PC: variants seen among roughly 807,000 people sequenced by gnomAD.
The protein encoded by PC is pyruvate carboxylase, mitochondrial.
In PC, 46 loss-of-function variants were observed where a neutral mutation model predicts 107.8. That is an observed-to-expected ratio of 0.43 (90% CI 0.34 to 0.55). PC has a LOEUF of 0.55. Among genes scored for constraint, PC ranks in the 20% least tolerant of loss-of-function variants. The pLI, the probability that PC is intolerant of heterozygous loss-of-function variation, is 0.04. For missense variants in PC, 1,241 were observed against 1,643.1 expected (o/e 0.76, Z 4.23); for synonymous variants, 662 against 684.7 (o/e 0.97, Z 0.52).
chr11:66,918,406 T>TA (rs1250238516), intron 3 of PC, among the ~76,000 whole-genome samples: 3 of 151,160 alleles, frequency 2.0e-5, no homozygotes, highest in Non-Finnish European at 3.0e-5. Context: ...TTTTTTTTTT[T>TA]AAAACAGAGT....
chr11:66,949,354 C>T (rs1312943794), intron 3 of PC, among the ~76,000 whole-genome samples: 1 of 151,890 alleles, frequency 6.6e-6, no homozygotes, highest in Admixed American at 6.6e-5. Flanking sequence ...TCAATTGAAA[C>T]ATTTCAGAAG....
chr11:66,951,532 G>A (rs572920715), intron 3 of PC, among the ~76,000 whole-genome samples: 2 of 152,276 alleles, frequency 1.3e-5, no homozygotes, highest in East Asian at 3.9e-4. Context: ...GAAGAGGGCG[G>A]ATCACCTGAG....
chr11:66,852,940 G>A lies in PC; in HGVS notation c.1514-104C>T. 2.2e-6 allele frequency: 2 copies of A among 909,904 alleles called. No homozygotes were observed. The highest frequency in any genetic ancestry group is 3.3e-6 in the Non-Finnish European group (2 of 606,714). 56.4% of individuals were successfully genotyped at this position (909,904 alleles called of 1,614,324 possible). ...CAGGGACAGGGACACATCCCTCCAGGATCCCCGGGCTTCCAGCTGGCCCCT... is the reference window on the plus strand; with the variant it reads ...CAGGGACAGGGACACATCCCTCCAGAATCCCCGGGCTTCCAGCTGGCCCCT... On this transcript the variant is annotated intron_variant, in intron 13 of 22. Transcript: ENST00000393960. The surrounding 1 kb of genome is among the most constrained non-coding windows in gnomAD (Gnocchi z 4.7).
chr11:66,853,543 CCTCA>C (rs1226102772), intron 12 of PC, among the ~76,000 whole-genome samples, 160 bp from the exon 13 acceptor site: 2 of 152,182 alleles, frequency 1.3e-5, no homozygotes, highest in Non-Finnish European at 2.9e-5. Flanking sequence ...TCAGCCCTCT[CCTCA>C]CTCCAGCAGA....
chr11:66,863,304 C>T (rs1946353936), intron 12 of PC, among the ~76,000 whole-genome samples: 2 of 152,178 alleles, frequency 1.3e-5, no homozygotes, highest in Non-Finnish European at 2.9e-5. Context: ...CGCGCCACTG[C>T]ACTCCAGCCT....
chr11:66,917,397 G>C (rs1948487443), intron 3 of PC, among the ~76,000 whole-genome samples: 1 of 152,098 alleles, frequency 6.6e-6, no homozygotes, highest in Non-Finnish European at 1.5e-5. Context: ...GTATATTAAA[G>C]CACTCTACTT....
intron 3 of PC, among the ~76,000 whole-genome samples, chr11:66,941,694 G>T (rs955287881): frequency 6.6e-6 from 1 of 152,042 alleles, no homozygotes; most frequent in Admixed American, 6.6e-5. Context: ...GGGTTTCACC[G>T]TGTTAGCCAG....
intron 12 of PC, chr11:66,859,210 C>G: frequency 7.7e-7 from 1 of 1,295,310 alleles, no homozygotes; most frequent in Non-Finnish European, 1.0e-6. Flanking sequence ...CCCTCCCCGA[C>G]CATGGCTGCT....
chr11:66,949,359 C>A (rs1170827054), intron 3 of PC, among the ~76,000 whole-genome samples: 1 of 151,984 alleles, frequency 6.6e-6, no homozygotes, highest in East Asian at 1.9e-4. Flanking sequence ...TGAAACATTT[C>A]AGAAGTTTCA....
intron 3 of PC, among the ~76,000 whole-genome samples, chr11:66,948,489 C>T (rs1555050729): frequency 6.6e-6 from 1 of 152,196 alleles, no homozygotes; most frequent in Non-Finnish European, 1.5e-5. Flanking sequence ...TATGTTAAAA[C>T]TTACTAAACT....
chr11:66,893,656 C>T (rs998987032), intron 3 of PC, among the ~76,000 whole-genome samples: 5 of 152,046 alleles, frequency 3.3e-5, no homozygotes, highest in Non-Finnish European at 5.9e-5. Context: ...ATTTCTTTAC[C>T]CCTGCTCTCA....
chr11:66,895,223 C>G (rs1360989326), intron 3 of PC, among the ~76,000 whole-genome samples: 1 of 152,122 alleles, frequency 6.6e-6, no homozygotes, highest in Non-Finnish European at 1.5e-5. Context: ...TTACGTGACT[C>G]TTTGCATGCT....
intron 12 of PC, among the ~76,000 whole-genome samples, chr11:66,862,093 A>T (rs915742606): frequency 1.3e-5 from 2 of 152,104 alleles, no homozygotes. Context: ...GTGCATGGCC[A>T]CGCATCCCCT....
Position 66,857,646 on chromosome 11 carries a change from C to T in PC, c.1369-4263G>A, listed in dbSNP as rs1483193443. On this transcript the variant is annotated intron_variant, in intron 12 of 22. Transcript: ENST00000393960. The surrounding 1 kb of genome is among the most constrained non-coding windows in gnomAD (Gnocchi z 7.1). ...ACCCAGCCCCTCCCCGGGCCAGGCT[C>T]ACAGAAGCTGGCTTCTGGGACTGTC... 3.7e-6 allele frequency: 5 copies of T among 1,351,436 alleles called. No individual in the cohort carries two copies. In the Admixed American group the frequency reaches 1.0e-4, roughly 28 times the overall value. 83.7% of individuals were successfully genotyped at this position (1,351,436 alleles called of 1,614,324 possible).
Position 66,857,592 on chromosome 11 carries a change from T to C in PC, c.1369-4209A>G. The C allele has an allele frequency of 1.3e-6, 1 of 780,704 alleles. No individual in the cohort carries two copies. The highest frequency in any genetic ancestry group is 2.0e-6 in the Non-Finnish European group (1 of 503,992). The allele number at this position is 780,704 out of a possible 1,614,324, so 48.4% of individuals were successfully genotyped here. The stretch of plus-strand genomic sequence containing the variant: ...TGGCCCTGCAGGCCCCAACCTTCCC[T>C]CATCTCTGGCGGCCCTCTTGGGCCT... On this transcript the variant is annotated intron_variant, in intron 12 of 22. Coordinates refer to ENST00000393960, the MANE Select transcript of PC (RefSeq NM_001040716.2). This position sits in a 1 kb window ranked among gnomAD's most constrained non-coding sequence, Gnocchi z 7.1.
intron 3 of PC, among the ~76,000 whole-genome samples, chr11:66,875,625 G>A (rs933962709): frequency 1.3e-5 from 2 of 152,054 alleles, no homozygotes; most frequent in African/African-American, 2.4e-5. Flanking sequence ...GGGCAGAAGC[G>A]AGCGGCTCTC....
intron 12 of PC, chr11:66,859,937 C>T (rs1946140758): frequency 3.1e-6 from 5 of 1,593,580 alleles, no homozygotes; most frequent in Non-Finnish European, 4.3e-6. Context: ...GCCGCCTCCC[C>T]CTCAAGCTCA....
intron 3 of PC, among the ~76,000 whole-genome samples, chr11:66,878,591 G>A (rs1312792384): frequency 1.3e-5 from 2 of 152,166 alleles, no homozygotes; most frequent in Non-Finnish European, 2.9e-5. Flanking sequence ...ATTTTTTCTT[G>A]GTGGGTAAAG....
intron 3 of PC, among the ~76,000 whole-genome samples, chr11:66,898,321 G>A (rs1372734236): frequency 1.3e-5 from 2 of 152,186 alleles, no homozygotes; most frequent in African/African-American, 4.8e-5. Context: ...TTCAGGGCCA[G>A]GGTTTTGTTT....
Sources: allele counts gnomAD v4.1 joint callset (sites outside exome capture counted in the v4.1 genomes callset), GRCh38; gene constraint gnomAD v4.1.1; non-coding constraint Gnocchi (gnomAD v3.1); transcripts MANE v1.5; gene names NCBI Gene and HGNC (gene_info 2026-07-23, HGNC 2026-07-21).